Variants in RALGAPA2 observed in about 807,000 individuals in gnomAD.
The protein encoded by RALGAPA2 is ral GTPase-activating protein subunit alpha-2.
RALGAPA2 carries 139 observed loss-of-function variants against 230.4 expected under a neutral mutation model. The observed-to-expected ratio is 0.60, with a 90% CI of 0.53 to 0.69. The LOEUF (loss-of-function observed/expected upper bound fraction) is 0.69, where lower values mean the gene tolerates loss of function less well. Ranked by LOEUF, RALGAPA2 falls within the 30% of genes least tolerant of loss-of-function variation. The probability of loss-of-function intolerance (pLI) is 0.00; values close to 1 mark genes in which losing one functional copy is unlikely to be tolerated. For synonymous variants in RALGAPA2, 847 were observed against 837.8 expected (o/e 1.01, Z -0.19); for missense variants, 2,163 against 2,276.0 (o/e 0.95, Z 1.01).
At chr20:20,525,029 A>C in intron 28 of RALGAPA2, 131 bp from the exon 29 acceptor site, 1 of 714,294 alleles carries the variant, frequency 1.4e-6, no homozygotes. Context: ...AGGTGATAAA[A>C]AGCAGAGGGC....
chr20:20,412,704 C>T (rs1195253931), intron 37 of RALGAPA2, among the ~76,000 whole-genome samples: 1 of 152,042 alleles, frequency 6.6e-6, no homozygotes, highest in African/African-American at 2.4e-5. Flanking sequence ...ATAAGAACTA[C>T]TATGTGAGAG....
rs749606653 is a variant in RALGAPA2 at position 20,513,302 on chromosome 20, G to C, written c.4085-18C>G. 2.2e-6 allele frequency: 3 copies of C among 1,351,844 alleles called. No homozygotes were observed. The African/African-American group carries it at 4.5e-5, about 20-fold the overall frequency. The allele number at this position is 1,351,844 out of a possible 1,614,324, so 83.7% of individuals were successfully genotyped here. ...CTTCTTCTCTGTAAACAGCGGTAAA[G>C]AAACATAAAGAGTCAGTGGTGAATG... On this transcript the variant is annotated intron_variant, in intron 31 of 39. Transcript: ENST00000202677.
intron 37 of RALGAPA2, among the ~76,000 whole-genome samples, chr20:20,445,024 C>T (rs2060829431): frequency 6.6e-6 from 1 of 152,166 alleles, no homozygotes; most frequent in Admixed American, 6.5e-5. Flanking sequence ...AATAATGTCC[C>T]CAAAGTGCAA....
At position 20,696,637 on chromosome 20, in the gene RALGAPA2, C is replaced by A. The variant is rs200975111; in HGVS notation, c.106+15738G>T. ...TTTCCCAGTTCCTTCTATCCTCCAC[C>A]CCTCCACCCCTATTGACTTCCATGA... On this transcript the variant is annotated intron_variant, in intron 1 of 39. Coordinates refer to ENST00000202677, the MANE Select transcript of RALGAPA2 (RefSeq NM_020343.4). Among the ~76,000 whole-genome samples the A allele has an allele frequency of 2.6e-4, 40 of 152,062 alleles. No individual in the cohort carries two copies. The East Asian group carries it at 7.6e-3, about 29-fold the overall frequency.
intron 34 of RALGAPA2, chr20:20,505,027 A>G (rs1322403889): frequency 1.0e-6 from 1 of 984,828 alleles, no homozygotes; most frequent in Admixed American, 6.2e-5. Flanking sequence ...ACTTCATCCA[A>G]CTCTTTCTTC....
intron 23 of RALGAPA2, among the ~76,000 whole-genome samples, chr20:20,550,789 C>A (rs968396476): frequency 6.6e-6 from 1 of 152,014 alleles, no homozygotes; most frequent in East Asian, 1.9e-4. Flanking sequence ...AGAACATATG[C>A]CTTTGTAAAA....
At chr20:20,641,165 T>C (rs1178624753) in intron 5 of RALGAPA2, among the ~76,000 whole-genome samples, 1 of 152,154 alleles carries the variant, frequency 6.6e-6, no homozygotes, top group Admixed American at 6.6e-5. Context: ...TCTCCCCATC[T>C]GTAAAATAAG....
intron 34 of RALGAPA2, among the ~76,000 whole-genome samples, chr20:20,504,509 G>T (rs747508242): frequency 1.5e-4 from 23 of 152,208 alleles, no homozygotes; most frequent in Non-Finnish European, 3.2e-4. Flanking sequence ...GAATCACGAG[G>T]TTAAGAGATC....
rs1395088867 is a variant in RALGAPA2, at chr20:20,676,254, G to A, written c.252C>T (p.Ser84=). Residue 84 remains serine, a synonymous_variant, in exon 3 of 40, where the codon TCC becomes TCT. Coordinates refer to ENST00000202677, the MANE Select transcript of RALGAPA2 (RefSeq NM_020343.4). ...AACTTACTTCAAAAAGGAAGAGGAT[G>A]GAGTCCAGCTCCTCCCTTTGTGACT... The part of the protein sequence containing the change: ...NNKSQREELD[S]ILFLFEKILQ... 2.6e-6 allele frequency: 4 copies of A among 1,560,084 alleles called. No homozygotes were observed. The South Asian group carries it at 4.7e-5, about 18-fold the overall frequency.
intron 15 of RALGAPA2, 52 bp downstream of exon 15, chr20:20,605,123 C>T: frequency 6.8e-7 from 1 of 1,460,640 alleles, no homozygotes; most frequent in East Asian, 2.4e-5. Context: ...TACAAATACA[C>T]ACTCGTCCCC....
In RALGAPA2 at chr20:20,391,207, A is replaced by G. The variant is rs2059597446; in HGVS notation, c.*2082T>C. The stretch of plus-strand genomic sequence containing the variant: ...CCAACAGGAGTGAGGTAAACAGGAG[A>G]CAGGAGCAGCTCAACAGCAGGATCA... On this transcript the variant is annotated 3_prime_UTR_variant, in exon 40 of 40. Transcript: ENST00000202677. 6.6e-6 allele frequency: 1 copy of G among 152,318 alleles called. No homozygotes were observed. Among genetic ancestry groups the G allele is most frequent in the Non-Finnish European group, 1.5e-5 (1 of 68,116 alleles). The allele number at this position is 152,318 out of a possible 1,614,324, so 9.4% of individuals were successfully genotyped here. A position where few individuals can be genotyped will look rare whatever the true frequency, so the allele number is the denominator to read the frequency against.
intron 36 of RALGAPA2, among the ~76,000 whole-genome samples, chr20:20,492,588 C>A (rs1310309234): frequency 2.0e-5 from 3 of 152,176 alleles, no homozygotes; most frequent in African/African-American, 7.2e-5. Context: ...GAATTAATCT[C>A]TGCTGACTAG....
chr20:20,682,371 T>C (rs1282682472), intron 1 of RALGAPA2, among the ~76,000 whole-genome samples: 1 of 152,218 alleles, frequency 6.6e-6, no homozygotes, highest in Non-Finnish European at 1.5e-5. Flanking sequence ...TGTGGAGAAT[T>C]TGCCAGTTCC....
rs190492254 is a variant in RALGAPA2 at position 20,428,306 on chromosome 20, C to G, written c.5496-16158G>C. Among the ~76,000 whole-genome samples, 355 of 152,236 alleles carry G rather than the reference C, an allele frequency of 2.3e-3. 3 individuals carry two copies. Among genetic ancestry groups the G allele is most frequent in the African/African-American group, 8.2e-3 (341 of 41,530 alleles). On this transcript the variant is annotated intron_variant, in intron 37 of 39. Transcript: ENST00000202677. ...TTTCCACATTTAAGCCTCATAGAGT[C>G]ACTTGATATCATCTTCGTGACTAAA...
intron 16 of RALGAPA2, 144 bp from the exon 17 acceptor site, chr20:20,591,458 C>T: frequency 9.7e-7 from 1 of 1,028,156 alleles, no homozygotes. Context: ...TTTAAATGAT[C>T]AAGTTTCCTA....
At chr20:20,578,041 T>G (rs1247851900) in intron 20 of RALGAPA2, among the ~76,000 whole-genome samples, 2 of 152,160 alleles carry the variant, frequency 1.3e-5, no homozygotes, top group Non-Finnish European at 1.5e-5. Context: ...TCTGCTTCAG[T>G]ACTGCTTTAC....
At chr20:20,473,299 C>T (rs767620160) in intron 36 of RALGAPA2, among the ~76,000 whole-genome samples, 5 of 152,206 alleles carry the variant, frequency 3.3e-5, no homozygotes, top group Admixed American at 1.3e-4. Context: ...CTTCACTGCA[C>T]ACTATCCTTG....
chr20:20,549,047 T>G (rs1375065878), intron 23 of RALGAPA2, among the ~76,000 whole-genome samples: 1 of 152,214 alleles, frequency 6.6e-6, no homozygotes, highest in Non-Finnish European at 1.5e-5. Context: ...GAACTAAACC[T>G]TGAAGCTTGT....
intron 8 of RALGAPA2, among the ~76,000 whole-genome samples, chr20:20,636,732 G>A (rs1405925866): frequency 1.4e-4 from 22 of 152,312 alleles, no homozygotes; most frequent in Non-Finnish European, 1.5e-5. Flanking sequence ...ATAATAGGGA[G>A]AGGAAGATTT....
Sources: allele counts gnomAD v4.1 joint callset (sites outside exome capture counted in the v4.1 genomes callset), GRCh38; gene constraint gnomAD v4.1.1; transcripts MANE v1.5; gene names NCBI Gene and HGNC (gene_info 2026-07-23, HGNC 2026-07-21).